MTUS2: variants seen among roughly 807,000 people sequenced by gnomAD.
MTUS2 encodes the protein microtubule associated scaffold protein 2, also known as microtubule-associated tumor suppressor candidate 2.
MTUS2 carries 40 observed loss-of-function variants against 114.1 expected under a neutral mutation model. The ratio of observed to expected loss-of-function variants is 0.35; its 90% CI spans 0.27 to 0.46. The LOEUF (loss-of-function observed/expected upper bound fraction) is 0.46. Ranked by LOEUF, MTUS2 falls within the 20% of genes least tolerant of loss-of-function variation. The pLI is 1.00. For missense variants in MTUS2, 1,679 were observed against 1,705.4 expected (o/e 0.98, Z 0.27); for synonymous variants, 688 against 672.0 (o/e 1.02, Z -0.37).
intron 2 of MTUS2, among the ~76,000 whole-genome samples, chr13:28,903,846 C>T (rs867402896): frequency 0.034 from 5,156 of 150,716 alleles, 120 homozygotes; most frequent in Middle Eastern, 0.055. Context: ...CACTGACTTC[C>T]ACAATGGTTG....
At chr13:29,307,419 C>T (rs1899525573) in intron 6 of MTUS2, 2 of 1,242,778 alleles carry the variant, frequency 1.6e-6, no homozygotes, top group Non-Finnish European at 2.3e-6. Flanking sequence ...GTGACGCTGC[C>T]AAGGCTGTGG....
rs569404833 is a variant in MTUS2 at position 29,019,169 on chromosome 13, G to T, written c.-242-5288G>T. On this transcript the variant is annotated intron_variant, in intron 2 of 15. Transcript: ENST00000612955. Reference sequence around the variant, plus strand: ...ACATTTCAGCGTCATGATTGACAGAGTTTCTTATGATGCTCTCGTGGACAA... The same window carrying T: ...ACATTTCAGCGTCATGATTGACAGATTTTCTTATGATGCTCTCGTGGACAA... 1.3e-4 allele frequency among the ~76,000 whole-genome samples: 20 copies of T among 152,294 alleles called. 1 individual carries two copies. Among genetic ancestry groups the T allele is most frequent in the African/African-American group, 4.8e-4 (20 of 41,582 alleles).
At chr13:29,022,647 G>T (rs1038329363) in intron 2 of MTUS2, among the ~76,000 whole-genome samples, 1 of 152,244 alleles carries the variant, frequency 6.6e-6, no homozygotes, top group Non-Finnish European at 1.5e-5. Flanking sequence ...GAATGAGGAG[G>T]AAAGTGTGGA....
intron 8 of MTUS2, among the ~76,000 whole-genome samples, chr13:29,367,148 G>T (rs953807117): frequency 2.6e-5 from 4 of 152,108 alleles, no homozygotes; most frequent in Admixed American, 2.6e-4. Context: ...AGAGTGGACT[G>T]TGAAGCCTGT....
chr13:29,018,633 G>A (rs902651164), intron 2 of MTUS2, among the ~76,000 whole-genome samples: 15 of 152,000 alleles, frequency 9.9e-5, no homozygotes, highest in Non-Finnish European at 2.1e-4. Context: ...GGTGGCGTGC[G>A]CCTGTAATCC....
chr13:29,118,506 A>G (rs1365002486), intron 5 of MTUS2, among the ~76,000 whole-genome samples: 1 of 152,170 alleles, frequency 6.6e-6, no homozygotes, highest in Non-Finnish European at 1.5e-5. Flanking sequence ...CCTACAACAT[A>G]TTAATAAATT....
At position 29,146,836 on chromosome 13, in the gene MTUS2, T is replaced by A. The variant is rs111994548; in HGVS notation, c.2644+45866T>A. Among the ~76,000 whole-genome samples, 870 of 152,310 alleles carry A rather than the reference T, an allele frequency of 5.7e-3. 9 individuals are homozygous for A. The highest frequency in any genetic ancestry group is 8.9e-3 in the Non-Finnish European group (608 of 68,020). On this transcript the variant is annotated intron_variant, in intron 5 of 15. Coordinates refer to ENST00000612955, the MANE Select transcript of MTUS2 (RefSeq NM_001033602.4). ...AGCACAATATGTTGCAGGATTGTTT[T>A]AAGGATGAAAGATAATTTATTTAGA...
chr13:29,345,433 G>C (rs1022357663), intron 7 of MTUS2, among the ~76,000 whole-genome samples: 2 of 151,436 alleles, frequency 1.3e-5, no homozygotes, highest in African/African-American at 4.8e-5. Flanking sequence ...CCTTTCTTCT[G>C]CTTGTTTGAT....
intron 2 of MTUS2, among the ~76,000 whole-genome samples, chr13:28,990,211 A>C (rs1161263092): frequency 6.6e-6 from 1 of 152,080 alleles, no homozygotes; most frequent in Non-Finnish European, 1.5e-5. Flanking sequence ...CTTCGGAAGG[A>C]GCTGTGTTTG....
chr13:28,909,837 G>A (rs1027400060), intron 2 of MTUS2, among the ~76,000 whole-genome samples: 8 of 152,184 alleles, frequency 5.3e-5, no homozygotes, highest in East Asian at 1.9e-4. Flanking sequence ...AAAGTCTCAC[G>A]ATACAAAATC....
chr13:29,037,577 G>A (rs1887139706), intron 4 of MTUS2, among the ~76,000 whole-genome samples: 1 of 152,158 alleles, frequency 6.6e-6, no homozygotes, highest in African/African-American at 2.4e-5. Flanking sequence ...GGTTGGGGAA[G>A]TTCTCCTGGA....
chr13:28,907,057 G>T (rs1333929428), intron 2 of MTUS2, among the ~76,000 whole-genome samples: 1 of 151,638 alleles, frequency 6.6e-6, no homozygotes, highest in Non-Finnish European at 1.5e-5. Flanking sequence ...AGATCTCTCG[G>T]CAGAAACCGT....
intron 4 of MTUS2, among the ~76,000 whole-genome samples, chr13:29,074,128 A>G (rs1184484024): frequency 6.6e-6 from 1 of 151,950 alleles, no homozygotes; most frequent in Non-Finnish European, 1.5e-5. Context: ...CCTCCTTTAA[A>G]ATTCTTTGTT....
intron 1 of MTUS2, among the ~76,000 whole-genome samples, chr13:28,839,575 C>G (rs1429065485): frequency 6.6e-6 from 1 of 152,102 alleles, no homozygotes; most frequent in African/African-American, 2.4e-5. Context: ...TCTCTAAAAT[C>G]CTAGACTCAG....
intron 5 of MTUS2, among the ~76,000 whole-genome samples, chr13:29,121,813 C>T (rs962427028): frequency 7.2e-5 from 11 of 152,112 alleles, no homozygotes; most frequent in Middle Eastern, 3.2e-3. Flanking sequence ...TGTACCAGCA[C>T]ACCCAGCTAA....
At chr13:29,358,637 C>T (rs1204546872) in intron 7 of MTUS2, among the ~76,000 whole-genome samples, 2 of 152,130 alleles carry the variant, frequency 1.3e-5, no homozygotes, top group South Asian at 2.1e-4. Context: ...GAGGGGATGG[C>T]GGCTCAGACT....
At chr13:29,058,752 C>A (rs1435330377) in intron 4 of MTUS2, among the ~76,000 whole-genome samples, 1 of 140,366 alleles carries the variant, frequency 7.1e-6, no homozygotes, top group Non-Finnish European at 1.5e-5. Flanking sequence ...TGTGATGTTC[C>A]CCTTCCTGTG....
At chr13:29,390,203 G>C (rs1007784113) in intron 8 of MTUS2, among the ~76,000 whole-genome samples, 30 of 150,800 alleles carry the variant, frequency 2.0e-4, no homozygotes, top group African/African-American at 6.8e-4. Flanking sequence ...TTTTCTAATG[G>C]AGTGAAAGGA....
At chr13:28,877,317 CAAAAAA>C (rs59056880) in intron 2 of MTUS2, among the ~76,000 whole-genome samples, 1 of 113,568 alleles carries the variant, frequency 8.8e-6, no homozygotes, top group Non-Finnish European at 1.9e-5. Context: ...GACTCCATCT[CAAAAAA>C]AAAAAAAAAG....
Sources: gnomAD v4.1 joint callset for allele counts (sites outside exome capture counted in the v4.1 genomes callset) on GRCh38, gnomAD v4.1.1 for gene constraint, MANE v1.5 for transcripts, NCBI Gene and HGNC (gene_info 2026-07-23, HGNC 2026-07-21) for gene names.